Variants in MALT1 observed in about 807,000 individuals in gnomAD.
MALT1 encodes the protein mucosa-associated lymphoid tissue lymphoma translocation protein 1.
A neutral mutation model predicts 85.5 loss-of-function variants in MALT1; 36 were observed. That is an observed-to-expected ratio of 0.42 (90% confidence interval 0.32 to 0.56). The LOEUF (loss-of-function observed/expected upper bound fraction) is 0.56. MALT1 is among the 20% of genes least tolerant of loss of function. The pLI is 0.10. For synonymous variants in MALT1, 359 were observed against 361.3 expected, an observed-to-expected ratio of 0.99 and a Z score of 0.07; for missense variants, 716 against 981.6, an observed-to-expected ratio of 0.73 and a Z score of 3.62.
At chr18:58,700,414 C>A in intron 3 of MALT1, 27 bp from the exon 4 acceptor site, 1 of 1,563,622 alleles carries the variant, frequency 6.4e-7, no homozygotes. Context: ...GATGAGTCAT[C>A]CACTTCTCTT....
At chr18:58,684,343 C>T (rs561737144) in intron 2 of MALT1, among the ~76,000 whole-genome samples, 2 of 150,822 alleles carry the variant, frequency 1.3e-5, no homozygotes, top group Non-Finnish European at 1.5e-5. Context: ...TAACAGCAAA[C>T]ATTTTGAGAT....
intron 1 of MALT1, chr18:58,675,282 G>A (rs2054223613): frequency 6.6e-6 from 1 of 152,226 alleles, no homozygotes; most frequent in Non-Finnish European, 1.5e-5. Context: ...TGGGGCTGTG[G>A]AACCTGGACC....
At chr18:58,692,504 G>A (rs1339252482) in intron 2 of MALT1, among the ~76,000 whole-genome samples, 1 of 112,874 alleles carries the variant, frequency 8.9e-6, no homozygotes, top group Non-Finnish European at 1.7e-5. Flanking sequence ...CTCCCTCTTT[G>A]GGCCTCCCTA....
Position 58,723,114 on chromosome 18 carries a change from C to G in MALT1, c.1085C>G (p.Pro362Arg). ...NYREHPKLKA[P>R]LVDVYELTNL... ...CGGGAGCACCCCAAGCTCAAAGCTCCTTTGGTGGATGTGTACGAATTGACT... is the reference window on the plus strand; with the variant it reads ...CGGGAGCACCCCAAGCTCAAAGCTCGTTTGGTGGATGTGTACGAATTGACT... The change falls in exon 10 of 17, where the codon CCT (proline) becomes CGT (arginine). Residue 362 changes from proline (P) to arginine (R), a missense_variant. Pro to Arg is a moderately radical substitution (Grantham distance 103). Transcript: ENST00000649217. 1 of 1,613,904 alleles carries G rather than the reference C, an allele frequency of 6.2e-7. No individual in the cohort carries two copies. Among genetic ancestry groups the G allele is most frequent in the Non-Finnish European group, 8.5e-7 (1 of 1,179,948 alleles).
intron 1 of MALT1, among the ~76,000 whole-genome samples, chr18:58,674,953 G>GTTGGA (rs1354075953): frequency 6.6e-6 from 1 of 152,142 alleles, no homozygotes; most frequent in African/African-American, 2.4e-5. Flanking sequence ...AAAAGAGCCC[G>GTTGGA]TTCAAACTGT....
At chr18:58,745,814 G>A in intron 16 of MALT1, 23 bp downstream of exon 16, 2 of 1,597,136 alleles carry the variant, frequency 1.3e-6, no homozygotes, top group Non-Finnish European at 8.5e-7. Context: ...TCTGTTTATA[G>A]CTACTAATGG....
rs2055393765 is a variant in MALT1, at chr18:58,747,949, GAAT to G, written c.*109_*111del. The G allele has an allele frequency of 3.8e-6, 3 of 787,134 alleles. No individual in the cohort carries two copies. The Admixed American group carries it at 7.4e-5, about 19-fold the overall frequency. The allele number at this position is 787,134 out of a possible 1,614,324, so 48.8% of individuals were successfully genotyped here. On this transcript the variant is annotated 3_prime_UTR_variant, in exon 17 of 17. Coordinates refer to ENST00000649217, the MANE Select transcript of MALT1 (RefSeq NM_006785.4). ...AGGCAAATTTGTATATGTAGAGAAA[GAAT>G]AGTAGTAACTGTTTCATAGCAAACT...
chr18:58,710,097 T>G, intron 6 of MALT1, 25 bp downstream of exon 6: 4 of 1,438,008 alleles, frequency 2.8e-6, no homozygotes, highest in Non-Finnish European at 3.9e-6. Flanking sequence ...CCCAGTGTTC[T>G]GACAAGTGGA....
chr18:58,726,369 T>C (rs1366733496), intron 10 of MALT1, among the ~76,000 whole-genome samples: 1 of 152,202 alleles, frequency 6.6e-6, no homozygotes, highest in Non-Finnish European at 1.5e-5. Flanking sequence ...TTAGGGCATA[T>C]CATAAAGAAA....
chr18:58,727,616 G>GGT (rs1555688173), intron 10 of MALT1, among the ~76,000 whole-genome samples: 2 of 121,264 alleles, frequency 1.6e-5, no homozygotes, highest in African/African-American at 6.5e-5. Context: ...GGTTTTTTGT[G>GGT]TTTTTTTTTT....
At position 58,749,808 on chromosome 18, in the gene MALT1, T is replaced by G. The variant is rs1362160544; in HGVS notation, c.*1966T>G. 1 of 211,700 alleles carries G rather than the reference T, an allele frequency of 4.7e-6. No homozygotes were observed. Among genetic ancestry groups the G allele is most frequent in the Non-Finnish European group, 9.6e-6 (1 of 104,522 alleles). 13.1% of individuals were successfully genotyped at this position (211,700 alleles called of 1,614,324 possible). A position where few individuals can be genotyped will look rare whatever the true frequency, so the allele number is the denominator to read the frequency against. On this transcript the variant is annotated 3_prime_UTR_variant, in exon 17 of 17. Coordinates refer to ENST00000649217, the MANE Select transcript of MALT1 (RefSeq NM_006785.4). ...GGAATAAAAGGAATCTTCCTAGATA[T>G]GATAAATATAACATCTATGAAAAGC...
rs961495844 is a variant in MALT1 at position 58,709,898 on chromosome 18, T to C, written c.829-78T>C. The C allele has an allele frequency of 4.1e-6, 4 of 969,390 alleles. No individual in the cohort carries two copies. The African/African-American group carries it at 6.5e-5, about 16-fold the overall frequency. The allele number at this position is 969,390 out of a possible 1,614,324, so 60.0% of individuals were successfully genotyped here. On this transcript the variant is annotated intron_variant, in intron 5 of 16. Coordinates refer to ENST00000649217, the MANE Select transcript of MALT1 (RefSeq NM_006785.4). ...AAGATGTTATGTTTTGGAGCGTATT[T>C]TTAAAACACAAAATGATTTTTTCTC...
chr18:58,699,024 G>A (rs2144358333), intron 3 of MALT1, among the ~76,000 whole-genome samples: 1 of 152,260 alleles, frequency 6.6e-6, no homozygotes, highest in Non-Finnish European at 1.5e-5. Flanking sequence ...TCAGATAAAG[G>A]AAGACTGAGA....
intron 10 of MALT1, among the ~76,000 whole-genome samples, chr18:58,724,594 C>CA (rs2144428081): frequency 6.6e-6 from 1 of 152,296 alleles, no homozygotes; most frequent in South Asian, 2.1e-4. Context: ...CATGATGCCA[C>CA]AAGTGGAAAA....
chr18:58,733,882 G>A (rs1215397215), intron 11 of MALT1: 2 of 1,151,394 alleles, frequency 1.7e-6, no homozygotes, highest in East Asian at 1.0e-4. Flanking sequence ...ATTCCCTCAG[G>A]AATTAACAAA....
At chr18:58,726,424 T>C (rs980802948) in intron 10 of MALT1, among the ~76,000 whole-genome samples, 1 of 152,138 alleles carries the variant, frequency 6.6e-6, no homozygotes, top group African/African-American at 2.4e-5. Context: ...CTAGTTGATA[T>C]TACCAGGGGA....
At chr18:58,718,235 C>G (rs1034888413) in intron 9 of MALT1, among the ~76,000 whole-genome samples, 2 of 152,190 alleles carry the variant, frequency 1.3e-5, no homozygotes, top group Non-Finnish European at 2.9e-5. Flanking sequence ...GGTATTCTTT[C>G]TCAAACATGT....
intron 2 of MALT1, among the ~76,000 whole-genome samples, chr18:58,692,500 C>T (rs2054526918): frequency 6.8e-6 from 1 of 148,096 alleles, no homozygotes; most frequent in African/African-American, 2.4e-5. Flanking sequence ...CCCACTCCCT[C>T]TTTGGGCCTC....
rs142740119 is a variant in MALT1, at chr18:58,681,242, G to A, written c.282G>A (p.Lys94=). The change falls in exon 2 of 17, where the codon AAG becomes AAA. Residue 94 remains lysine, a synonymous_variant. Coordinates refer to ENST00000649217, the MANE Select transcript of MALT1 (RefSeq NM_006785.4). ...PEGSPSLCLL[K]LMGEKGCTVT... is the part of the protein sequence containing the mutation. ...GAAGCCCCAGCCTGTGTCTGCTGAA[G>A]TTAATGGGTGAAAAAGGTTGCACAG... is the stretch of plus-strand genomic sequence containing the variant. 2.5e-6 allele frequency: 4 copies of A among 1,614,060 alleles called. No individual in the cohort carries two copies. The African/African-American group carries it at 5.3e-5, about 22-fold the overall frequency.
Sources: gnomAD v4.1 joint callset for allele counts (sites outside exome capture counted in the v4.1 genomes callset) on GRCh38, gnomAD v4.1.1 for gene constraint, MANE v1.5 for transcripts, NCBI Gene and HGNC (gene_info 2026-07-23, HGNC 2026-07-21) for gene names.